Variants in CDKN2B-AS1 observed in about 807,000 individuals in gnomAD.
The protein encoded by CDKN2B-AS1 is CDKN2B antisense RNA 1 (non-protein coding).
intron 4 of CDKN2B-AS1, among the ~76,000 whole-genome samples, chr9:22,057,352 T>C (rs1379171638): frequency 6.6e-6 from 1 of 152,220 alleles, no homozygotes; most frequent in African/African-American, 2.4e-5. Flanking sequence ...ATCTATTATA[T>C]AGTGAACATA....
At chr9:22,036,900 A>C (rs571797431) in intron 1 of CDKN2B-AS1, among the ~76,000 whole-genome samples, 36 of 152,192 alleles carry the variant, frequency 2.4e-4, no homozygotes, top group Non-Finnish European at 3.8e-4. Flanking sequence ...ATTCTGGTCA[A>C]ACAAGTTGCC....
chr9:22,066,479 G>A (rs1205366734), intron 4 of CDKN2B-AS1: 1 of 151,942 alleles, frequency 6.6e-6, no homozygotes, highest in Non-Finnish European at 1.5e-5. Flanking sequence ...ACAGACATGA[G>A]CCACTGCACT....
At chr9:22,083,119 T>C (rs1824754808) in intron 4 of CDKN2B-AS1, among the ~76,000 whole-genome samples, 1 of 152,218 alleles carries the variant, frequency 6.6e-6, no homozygotes, top group South Asian at 2.1e-4. Flanking sequence ...TACTAAGAAC[T>C]ATACGTATGT....
intron 3 of CDKN2B-AS1, chr9:22,056,151 C>A (rs1423488844): frequency 1.3e-5 from 2 of 148,754 alleles, no homozygotes; most frequent in Non-Finnish European, 3.0e-5. Context: ...CCTCAGCCTC[C>A]TGAGTAGCTC....
rs553140674 is a variant in CDKN2B-AS1, at chr9:22,110,115, G to A, written n.439-16988G>A. 2.6e-5 allele frequency among the ~76,000 whole-genome samples: 4 copies of A among 152,236 alleles called. No homozygotes were observed. The East Asian group carries it at 7.7e-4, about 29-fold the overall frequency. Reference sequence around the variant, plus strand: ...TTACAATTCTATTATTTTATGAATAGACCCTAGTTAGGATAGTTTGAAATA... The same window carrying A: ...TTACAATTCTATTATTTTATGAATAAACCCTAGTTAGGATAGTTTGAAATA... On this transcript the variant is annotated intron_variant and non_coding_transcript_variant, in intron 4 of 4. Transcript: ENST00000650946.
chr9:22,114,409 C>G (rs901426890), intron 4 of CDKN2B-AS1, among the ~76,000 whole-genome samples: 1 of 152,114 alleles, frequency 6.6e-6, no homozygotes, highest in Non-Finnish European at 1.5e-5. Flanking sequence ...GCAAGAGATT[C>G]GCCGAGGTAA....
chr9:22,110,435 A>G (rs1825775811), intron 4 of CDKN2B-AS1, among the ~76,000 whole-genome samples: 1 of 152,200 alleles, frequency 6.6e-6, no homozygotes, highest in African/African-American at 2.4e-5. Flanking sequence ...TTGGAATACA[A>G]CAGTGTACAC....
At position 22,006,859 on chromosome 9, in the gene CDKN2B-AS1, C is replaced by T. The variant is rs992490753; in HGVS notation, n.29+11698C>T. Among the ~76,000 whole-genome samples, 3 of 151,268 alleles carry T rather than the reference C, an allele frequency of 2.0e-5. No individual in the cohort carries two copies. The highest frequency in any genetic ancestry group is 4.2e-4 in the South Asian group (2 of 4,786). ...CTGGCTTGTAGTGTGATAATTTGAG[C>T]CAAAGTTGGAGATTAGAAGGGAAAA... On this transcript the variant is annotated intron_variant and non_coding_transcript_variant, in intron 1 of 4. Transcript: ENST00000650946. This position sits in a 1 kb window ranked among gnomAD's most constrained non-coding sequence, Gnocchi z 6.4.
intron 4 of CDKN2B-AS1, among the ~76,000 whole-genome samples, chr9:22,114,225 A>G (rs2131370517): frequency 6.6e-6 from 1 of 152,270 alleles, no homozygotes; most frequent in African/African-American, 2.4e-5. Context: ...TCCCTCTTAT[A>G]CCTGGTCAAA....
chr9:22,112,119 C>G (rs1486532826), intron 4 of CDKN2B-AS1: 1 of 152,190 alleles, frequency 6.6e-6, no homozygotes, highest in Non-Finnish European at 1.5e-5. Flanking sequence ...TGAAACTCAT[C>G]TTGAACTACC....
At chr9:22,070,065 C>G (rs1824229100) in intron 4 of CDKN2B-AS1, among the ~76,000 whole-genome samples, 1 of 152,176 alleles carries the variant, frequency 6.6e-6, no homozygotes, top group Non-Finnish European at 1.5e-5. Context: ...CAAATGAACA[C>G]TATCCTCACA....
At chr9:22,009,791 C>T (rs995715268) in intron 1 of CDKN2B-AS1, among the ~76,000 whole-genome samples, 2 of 152,212 alleles carry the variant, frequency 1.3e-5, no homozygotes, top group Non-Finnish European at 2.9e-5. Flanking sequence ...AGTTTCATAA[C>T]TTGTATCAAA....
chr9:22,023,739 C>T (rs906005712), intron 1 of CDKN2B-AS1, among the ~76,000 whole-genome samples: 1 of 152,176 alleles, frequency 6.6e-6, no homozygotes, highest in African/African-American at 2.4e-5. Flanking sequence ...GAGTCCGTAT[C>T]AAAAGCAAAC....
In CDKN2B-AS1 at chr9:22,002,680, C is replaced by T. The variant is rs540022362; in HGVS notation, n.29+7519C>T. Among the ~76,000 whole-genome samples, 4 of 152,134 alleles carry T rather than the reference C, an allele frequency of 2.6e-5. No homozygotes were observed. In the South Asian group the frequency reaches 6.2e-4, roughly 24 times the overall value. On this transcript the variant is annotated intron_variant and non_coding_transcript_variant, in intron 1 of 4. Coordinates refer to ENST00000650946, the Ensembl canonical transcript of CDKN2B-AS1. ...TTGCCATATTAGGGAAATAAAATATCATGAAAGTATTCCTAAGTATACATT... is the reference window on the plus strand; with the variant it reads ...TTGCCATATTAGGGAAATAAAATATTATGAAAGTATTCCTAAGTATACATT...
At chr9:21,998,451 G>T (rs1301232789) in intron 1 of CDKN2B-AS1, among the ~76,000 whole-genome samples, 2 of 152,224 alleles carry the variant, frequency 1.3e-5, no homozygotes, top group South Asian at 4.1e-4. Flanking sequence ...GCCAGCAAGA[G>T]CCAGGGCTGG....
intron 4 of CDKN2B-AS1, among the ~76,000 whole-genome samples, chr9:22,102,475 G>T (rs1198830592): frequency 1.3e-5 from 2 of 152,184 alleles, no homozygotes; most frequent in Non-Finnish European, 2.9e-5. Flanking sequence ...GTCTGTCCAA[G>T]AGCCTCTGCT....
At chr9:22,011,905 A>G (rs1202224265) in intron 1 of CDKN2B-AS1, among the ~76,000 whole-genome samples, 2 of 152,244 alleles carry the variant, frequency 1.3e-5, no homozygotes, top group Admixed American at 6.5e-5. Context: ...ATGTCTTTTA[A>G]TAAGGTGGAG....
intron 2 of CDKN2B-AS1, among the ~76,000 whole-genome samples, chr9:22,047,612 T>C (rs901330597): frequency 6.6e-6 from 1 of 152,204 alleles, no homozygotes; most frequent in African/African-American, 2.4e-5. Flanking sequence ...ATTTATACTG[T>C]ACAAAATTCT....
intron 4 of CDKN2B-AS1, chr9:22,119,146 C>T (rs1826035705): frequency 6.6e-6 from 1 of 150,558 alleles, no homozygotes; most frequent in South Asian, 2.1e-4. Flanking sequence ...CTGTGCCTGT[C>T]TTGTAGGATT....
Sources: allele counts gnomAD v4.1 joint callset (sites outside exome capture counted in the v4.1 genomes callset), GRCh38; gene constraint gnomAD v4.1.1; non-coding constraint Gnocchi (gnomAD v3.1); transcripts MANE v1.5; gene names NCBI Gene and HGNC (gene_info 2026-07-23, HGNC 2026-07-21).